The following FHIT variants were observed in gnomAD, a reference collection of about 807,000 sequenced individuals.
FHIT encodes the protein bis(5'-adenosyl)-triphosphatase.
A neutral mutation model predicts 17.9 loss-of-function variants in FHIT; 19 were observed. That is an observed-to-expected ratio of 1.06 (90% CI 0.74 to 1.56). The LOEUF is 1.56. Ranked by LOEUF, FHIT falls within the 40% of genes most tolerant of loss-of-function variation. FHIT has a pLI of 0.00. For synonymous variants in FHIT, 81 were observed against 69.7 expected, an observed-to-expected ratio of 1.16 and a Z score of -0.81; for missense variants, 248 against 189.2, an observed-to-expected ratio of 1.31 and a Z score of -1.82.
At chr3:59,928,556 A>G (rs1319894532) in intron 7 of FHIT, among the ~76,000 whole-genome samples, 1 of 152,244 alleles carries the variant, frequency 6.6e-6, no homozygotes, top group Admixed American at 6.5e-5. Context: ...TAAAAAGACA[A>G]AAATCCTAAG....
At chr3:59,801,731 C>G (rs1700000876) in intron 8 of FHIT, among the ~76,000 whole-genome samples, 1 of 152,074 alleles carries the variant, frequency 6.6e-6, no homozygotes, top group Non-Finnish European at 1.5e-5. Flanking sequence ...ACCACCCTCA[C>G]TGTACAGACA....
chr3:59,787,529 C>CAGA (rs926298770), intron 8 of FHIT, among the ~76,000 whole-genome samples: 1 of 147,710 alleles, frequency 6.8e-6, no homozygotes, highest in African/African-American at 2.6e-5. Flanking sequence ...CACACACACA[C>CAGA]GTCAAAGGCT....
At chr3:60,038,599 A>G (rs926702751) in intron 5 of FHIT, among the ~76,000 whole-genome samples, 3 of 152,246 alleles carry the variant, frequency 2.0e-5, no homozygotes, top group African/African-American at 7.2e-5. Context: ...GGTACAAAAC[A>G]TTAAACACCT....
intron 4 of FHIT, among the ~76,000 whole-genome samples, chr3:60,710,810 C>A (rs1263063795): frequency 1.3e-5 from 2 of 152,204 alleles, no homozygotes; most frequent in Admixed American, 1.3e-4. Context: ...TCAAGGAGGC[C>A]TGCCTGCCTC....
chr3:59,969,376 C>T (rs1316230818), intron 7 of FHIT, among the ~76,000 whole-genome samples: 1 of 152,090 alleles, frequency 6.6e-6, no homozygotes, highest in Non-Finnish European at 1.5e-5. Context: ...AAGCTTCTAT[C>T]CATACAAAAC....
At chr3:60,891,226 C>A (rs911423776) in intron 3 of FHIT, among the ~76,000 whole-genome samples, 15 of 152,090 alleles carry the variant, frequency 9.9e-5, no homozygotes, top group Non-Finnish European at 1.8e-4. Context: ...TCCCATCATC[C>A]GTGCACCCAT....
chr3:59,846,264 T>G (rs1392770628), intron 8 of FHIT, among the ~76,000 whole-genome samples: 1 of 152,140 alleles, frequency 6.6e-6, no homozygotes. Flanking sequence ...GTATATTCTT[T>G]AGCTGTTGTC....
chr3:60,723,733 C>A (rs2041859082), intron 4 of FHIT, among the ~76,000 whole-genome samples: 1 of 152,188 alleles, frequency 6.6e-6, no homozygotes, highest in African/African-American at 2.4e-5. Flanking sequence ...CAGAAGATAA[C>A]AATGCTGAGT....
chr3:60,306,470 C>G (rs1254073086), intron 5 of FHIT, among the ~76,000 whole-genome samples: 1 of 152,106 alleles, frequency 6.6e-6, no homozygotes, highest in Non-Finnish European at 1.5e-5. Context: ...TTCCATGAAG[C>G]AAAGAAAACG....
chr3:60,309,009 A>G (rs987849888), intron 5 of FHIT, among the ~76,000 whole-genome samples: 1 of 152,150 alleles, frequency 6.6e-6, no homozygotes, highest in Admixed American at 6.6e-5. Context: ...TAAGATATCC[A>G]CTTTCTAGGC....
intron 4 of FHIT, among the ~76,000 whole-genome samples, chr3:60,773,433 C>T (rs1306821681): frequency 6.6e-6 from 1 of 152,172 alleles, no homozygotes; most frequent in Admixed American, 6.5e-5. Flanking sequence ...TGAAACATTC[C>T]TTGTTCATTG....
chr3:60,283,666 TTTTC>T (rs993652678), intron 5 of FHIT, among the ~76,000 whole-genome samples: 4 of 152,080 alleles, frequency 2.6e-5, no homozygotes, highest in Non-Finnish European at 4.4e-5. Flanking sequence ...GTATTTAAGG[TTTTC>T]TTTCTTTCTA....
At chr3:60,708,812 G>C (rs1262108030) in intron 4 of FHIT, among the ~76,000 whole-genome samples, 1 of 152,160 alleles carries the variant, frequency 6.6e-6, no homozygotes, top group African/African-American at 2.4e-5. Context: ...AAAAGAGTTT[G>C]GGAAAGAGTG....
At chr3:60,100,577 G>A (rs985762081) in intron 5 of FHIT, among the ~76,000 whole-genome samples, 2 of 152,060 alleles carry the variant, frequency 1.3e-5, no homozygotes, top group African/African-American at 4.8e-5. Context: ...CGCTGACCCC[G>A]AGTGGTTCCA....
chr3:60,639,470 T>C (rs1038179135), intron 4 of FHIT, among the ~76,000 whole-genome samples: 17 of 152,100 alleles, frequency 1.1e-4, no homozygotes, highest in Non-Finnish European at 2.4e-4. Flanking sequence ...AAAATTGCAA[T>C]TTAGAAGACA....
chr3:59,832,817 A>G (rs1479678305), intron 8 of FHIT, among the ~76,000 whole-genome samples: 1 of 152,240 alleles, frequency 6.6e-6, no homozygotes, highest in Non-Finnish European at 1.5e-5. Context: ...TATCTTCCCT[A>G]TCATTGAGTG....
chr3:60,799,978 G>T (rs1239925794), intron 4 of FHIT, among the ~76,000 whole-genome samples: 3 of 152,140 alleles, frequency 2.0e-5, no homozygotes, highest in Admixed American at 1.3e-4. Flanking sequence ...AAAAGTAAAT[G>T]AATATCAATT....
chr3:59,764,983 C>T (rs1028683837), intron 8 of FHIT, among the ~76,000 whole-genome samples: 1 of 151,070 alleles, frequency 6.6e-6, no homozygotes, highest in African/African-American at 2.4e-5. Context: ...AAGCCTCAGG[C>T]TAGGAAAGCA....
At chr3:60,627,575 G>C (rs1400731945) in intron 4 of FHIT, among the ~76,000 whole-genome samples, 1 of 152,142 alleles carries the variant, frequency 6.6e-6, no homozygotes, top group African/African-American at 2.4e-5. Flanking sequence ...ACAGGCTGGA[G>C]TGCAGTGGCG....
Sources: allele counts gnomAD v4.1 joint callset (sites outside exome capture counted in the v4.1 genomes callset), GRCh38; gene constraint gnomAD v4.1.1; transcripts MANE v1.5; gene names NCBI Gene and HGNC (gene_info 2026-07-23, HGNC 2026-07-21).